Variants in TARM1 observed in about 807,000 individuals in gnomAD.
TARM1 encodes the protein T cell-interacting, activating receptor on myeloid cells 1.
In TARM1, 24 loss-of-function variants were observed where a neutral mutation model predicts 30.4. That is an observed-to-expected ratio of 0.79 (90% CI 0.57 to 1.11). The LOEUF (loss-of-function observed/expected upper bound fraction) is 1.11. Among genes scored for constraint, TARM1 ranks in the 50% least tolerant of loss-of-function variants. TARM1 has a pLI of 0.00. For missense variants in TARM1, 323 were observed against 332.8 expected (o/e 0.97, Z 0.23); for synonymous variants, 129 against 138.9 (o/e 0.93, Z 0.50).
chr19:54,073,266 CG>C (rs1486349873), intron 4 of TARM1, among the ~76,000 whole-genome samples: 1 of 151,076 alleles, frequency 6.6e-6, no homozygotes, highest in Non-Finnish European at 1.5e-5. Flanking sequence ...AAAAATTAGC[CG>C]GATGGGTGGT....
At chr19:54,081,250 T>C in intron 1 of TARM1, 57 bp downstream of exon 1, 1 of 1,517,010 alleles carries the variant, frequency 6.6e-7, no homozygotes, top group South Asian at 1.2e-5. Context: ...CCAGCCCAAC[T>C]ATCCCACCAG....
chr19:54,074,053 C>G lies in TARM1; in HGVS notation c.525G>C (p.Ala175=). 1.3e-6 allele frequency: 2 copies of G among 1,551,652 alleles called. No homozygotes were observed. The highest frequency in any genetic ancestry group is 1.7e-6 in the Non-Finnish European group (2 of 1,146,990). The change falls in exon 4 of 5, where the codon GCG becomes GCC. Residue 175 remains alanine (A), a synonymous_variant. Transcript: ENST00000432826. ...TPSPIQLQSP[A]GKEIDFSLVD... is the part of the protein sequence containing the mutation. ...CCAGAGAGAAGTCTATCTCCTTCCC[C>G]GCTGGACTCTGCAGCTGGATGGGTG...
Position 54,075,047 on chromosome 19 carries a change from C to A in TARM1, c.138G>T (p.Thr46=). 2 of 1,551,512 alleles carry A rather than the reference C, an allele frequency of 1.3e-6. No individual in the cohort carries two copies. The highest frequency in any genetic ancestry group is 1.7e-6 in the Non-Finnish European group (2 of 1,146,978). Residue 46 remains threonine (T), a synonymous_variant, in exon 3 of 5, where the codon ACG becomes ACT. Coordinates refer to ENST00000432826, the MANE Select transcript of TARM1 (RefSeq NM_001135686.3). ...SSVVPANSNV[T]LRCWTPARGV... is the part of the protein sequence containing the mutation. ...CTCTGGCAGGAGTCCAACATCGCAGCGTCACATTGCTGTTGGCAGGGACCA... is the reference window on the plus strand; with the variant it reads ...CTCTGGCAGGAGTCCAACATCGCAGAGTCACATTGCTGTTGGCAGGGACCA...
At chr19:54,079,178 C>T (rs889316550) in intron 1 of TARM1, among the ~76,000 whole-genome samples, 3 of 147,160 alleles carry the variant, frequency 2.0e-5, no homozygotes, top group South Asian at 2.2e-4. Flanking sequence ...GCAGGAGAAT[C>T]GCTTGAACCC....
chr19:54,071,540 G>A (rs12975015), intron 4 of TARM1, among the ~76,000 whole-genome samples: 30,283 of 151,982 alleles, frequency 0.2, 3,228 homozygotes, highest in East Asian at 0.3. Flanking sequence ...AGTTGAGGCC[G>A]GGCACAGTAG....
chr19:54,075,470 A>C (rs587753676), intron 2 of TARM1, among the ~76,000 whole-genome samples: 8 of 149,732 alleles, frequency 5.3e-5, no homozygotes, highest in African/African-American at 2.0e-4. Flanking sequence ...ACAGGCGTGA[A>C]CCCCTGAGCC....
At chr19:54,074,705 C>T in intron 3 of TARM1, 119 bp downstream of exon 3, 1 of 1,105,684 alleles carries the variant, frequency 9.0e-7, no homozygotes, top group Non-Finnish European at 1.3e-6. Flanking sequence ...TCCTGTCTCT[C>T]TCCCTCTCCC....
intron 1 of TARM1, chr19:54,076,256 TTC>T: frequency 6.7e-7 from 1 of 1,493,742 alleles, no homozygotes; most frequent in Non-Finnish European, 8.9e-7. Flanking sequence ...CTTTCTTTCT[TTC>T]TTTTTTCTTT....
chr19:54,078,521 G>A (rs1235564184), intron 1 of TARM1, among the ~76,000 whole-genome samples: 1 of 152,086 alleles, frequency 6.6e-6, no homozygotes, highest in Admixed American at 6.6e-5. Context: ...TGGGATTACA[G>A]GCGCCCGCCA....
chr19:54,078,535 C>T (rs1006343716), intron 1 of TARM1, among the ~76,000 whole-genome samples: 9 of 151,876 alleles, frequency 5.9e-5, no homozygotes, highest in Admixed American at 1.3e-4. Context: ...CCCGCCACCA[C>T]GCATGGCTAA....
intron 4 of TARM1, among the ~76,000 whole-genome samples, chr19:54,070,876 T>C (rs1338180650): frequency 6.6e-5 from 10 of 152,120 alleles, no homozygotes; most frequent in Non-Finnish European, 8.8e-5. Flanking sequence ...CCTCCCAAAG[T>C]GTTGGGATTA....
intron 4 of TARM1, among the ~76,000 whole-genome samples, chr19:54,072,502 G>T (rs1316938292): frequency 1.3e-5 from 2 of 152,072 alleles, no homozygotes; most frequent in African/African-American, 4.8e-5. Flanking sequence ...ATGTTCTGAG[G>T]ATGAGATAAT....
rs145649307 is a variant in TARM1 at position 54,075,247 on chromosome 19, G to A, written c.71-133C>T. The A allele has an allele frequency of 9.9e-4, 761 of 768,734 alleles. 5 individuals carry two copies. In the African/African-American group the frequency reaches 0.012, roughly 12 times the overall value. 47.6% of individuals were successfully genotyped at this position (768,734 alleles called of 1,614,324 possible). ...CTGTTGCCCAGGCTAGAGTGCAGTG[G>A]TGCAATCTCAGTTCACTGCAACCTC... On this transcript the variant is annotated intron_variant, in intron 2 of 4. Coordinates refer to ENST00000432826, the MANE Select transcript of TARM1 (RefSeq NM_001135686.3).
At chr19:54,074,291 G>A (rs1939198163) in intron 3 of TARM1, 75 bp from the exon 4 acceptor site, 3 of 1,390,940 alleles carry the variant, frequency 2.2e-6, no homozygotes, top group African/African-American at 1.4e-5. Flanking sequence ...CTCCTGGCCG[G>A]AGGCTCTCGT....
intron 1 of TARM1, among the ~76,000 whole-genome samples, chr19:54,077,245 G>A (rs1395989348): frequency 6.6e-6 from 1 of 151,984 alleles, no homozygotes; most frequent in Non-Finnish European, 1.5e-5. Context: ...GCCAGGTGTG[G>A]TGATGGGCGC....
intron 1 of TARM1, among the ~76,000 whole-genome samples, chr19:54,079,122 G>A (rs1204095838): frequency 1.3e-5 from 2 of 150,980 alleles, no homozygotes; most frequent in African/African-American, 4.9e-5. Flanking sequence ...AACTTAGCCA[G>A]GCATGGTGGT....
At chr19:54,078,730 T>C (rs2072022734) in intron 1 of TARM1, among the ~76,000 whole-genome samples, 1 of 151,194 alleles carries the variant, frequency 6.6e-6, no homozygotes, top group Non-Finnish European at 1.5e-5. Flanking sequence ...CTCGAACTCC[T>C]GGGCTCAAGC....
At chr19:54,070,387 A>C (rs1306598031) in intron 4 of TARM1, among the ~76,000 whole-genome samples, 1 of 151,526 alleles carries the variant, frequency 6.6e-6, no homozygotes, top group Non-Finnish European at 1.5e-5. Flanking sequence ...CAGCCTCCCA[A>C]GTAGCTGGGA....
At chr19:54,074,280 TCTC>T (rs2071889386) in intron 3 of TARM1, 64 bp from the exon 4 acceptor site, 2 of 1,451,054 alleles carry the variant, frequency 1.4e-6, no homozygotes, top group African/African-American at 2.8e-5. Context: ...TCACCCCTGT[TCTC>T]CTGGCCGGAG....
Sources: gnomAD v4.1 joint callset for allele counts (sites outside exome capture counted in the v4.1 genomes callset) on GRCh38, gnomAD v4.1.1 for gene constraint, MANE v1.5 for transcripts, NCBI Gene and HGNC (gene_info 2026-07-23, HGNC 2026-07-21) for gene names.